MALRD1: variants seen among roughly 807,000 people sequenced by gnomAD.
The protein encoded by MALRD1 is MAM and LDL receptor class A domain containing 1, also known as MAM and LDL-receptor class A domain-containing protein 1.
In MALRD1, 247 loss-of-function variants were observed where a neutral mutation model predicts 242.1. The observed-to-expected ratio is 1.02, with a 90% CI of 0.92 to 1.13. The LOEUF (loss-of-function observed/expected upper bound fraction) is 1.13. Among genes scored for constraint, MALRD1 ranks in the 50% most tolerant of loss-of-function variants. The pLI is 0.00. For missense variants in MALRD1, 2,989 were observed against 2,533.1 expected, an observed-to-expected ratio of 1.18 and a Z score of -3.86; for synonymous variants, 995 against 866.6, an observed-to-expected ratio of 1.15 and a Z score of -2.60.
intron 29 of MALRD1, among the ~76,000 whole-genome samples, chr10:19,490,311 A>C (rs940555039): frequency 6.6e-6 from 1 of 152,142 alleles, no homozygotes; most frequent in Non-Finnish European, 1.5e-5. Context: ...TGTTGGCAAC[A>C]CAATGTCTGT....
chr10:19,696,800 C>A (rs865985686), intron 38 of MALRD1, among the ~76,000 whole-genome samples: 40 of 151,936 alleles, frequency 2.6e-4, no homozygotes, highest in Middle Eastern at 6.8e-3. Flanking sequence ...CCTGTAATCC[C>A]AGCTGCTTGG....
At chr10:19,053,080 T>C (rs1314876308) in intron 1 of MALRD1, among the ~76,000 whole-genome samples, 1 of 152,150 alleles carries the variant, frequency 6.6e-6, no homozygotes, top group Non-Finnish European at 1.5e-5. Flanking sequence ...TCCTCAGCCC[T>C]GCCACCCTCT....
In MALRD1 at chr10:19,119,420, C is replaced by A. The variant is rs115986351; in HGVS notation, c.695-4072C>A. ...TATATTATCATGCAAATCAGTCTCG[C>A]TGAGCATTCAGGGATCAGAGTTTTT... On this transcript the variant is annotated intron_variant, in intron 5 of 39. Transcript: ENST00000454679. Among the ~76,000 whole-genome samples the A allele has an allele frequency of 4.8e-3, 728 of 152,234 alleles. 10 individuals are homozygous for A. Among genetic ancestry groups the A allele is most frequent in the African/African-American group, 0.016 (670 of 41,542 alleles).
At chr10:19,496,820 AAGAGG>A (rs1837741073) in intron 30 of MALRD1, among the ~76,000 whole-genome samples, 1 of 152,134 alleles carries the variant, frequency 6.6e-6, no homozygotes, top group South Asian at 2.1e-4. Context: ...AAGGAATTAG[AAGAGG>A]ATGTGAAATT....
At chr10:19,225,345 C>A (rs922920550) in intron 18 of MALRD1, among the ~76,000 whole-genome samples, 3 of 152,102 alleles carry the variant, frequency 2.0e-5, no homozygotes, top group African/African-American at 4.8e-5. Context: ...GAATTGTGGT[C>A]TATTGGAGAA....
intron 21 of MALRD1, among the ~76,000 whole-genome samples, chr10:19,317,055 C>T (rs1274850973): frequency 6.6e-6 from 1 of 151,036 alleles, no homozygotes; most frequent in Non-Finnish European, 1.5e-5. Flanking sequence ...TAGATACACA[C>T]AAAAATCAAA....
chr10:19,159,940 A>G (rs1219758438), intron 12 of MALRD1, among the ~76,000 whole-genome samples: 1 of 152,152 alleles, frequency 6.6e-6, no homozygotes, highest in Non-Finnish European at 1.5e-5. Context: ...GAATACAATT[A>G]AAAATGAAAT....
At chr10:19,454,836 C>G (rs1476311985) in intron 29 of MALRD1, among the ~76,000 whole-genome samples, 2 of 148,270 alleles carry the variant, frequency 1.3e-5, no homozygotes, top group Admixed American at 1.3e-4. Flanking sequence ...TTTCATATTT[C>G]TTTCTTACTT....
intron 24 of MALRD1, among the ~76,000 whole-genome samples, chr10:19,335,320 A>G (rs1843559174): frequency 6.6e-6 from 1 of 152,062 alleles, no homozygotes; most frequent in Admixed American, 6.6e-5. Context: ...AAACAAACAA[A>G]TCAGAATAAA....
chr10:19,278,182 A>C lies in MALRD1; in HGVS notation c.3080-1865A>C, dbSNP rs1358474633. ...CAAGATATTATCATGTTAAATTCTC[A>C]CAGTATTTAAAATAAAAAAAACAGT... is the stretch of plus-strand genomic sequence containing the variant. On this transcript the variant is annotated intron_variant, in intron 19 of 39. Coordinates refer to ENST00000454679, the MANE Select transcript of MALRD1 (RefSeq NM_001142308.3). Among the ~76,000 whole-genome samples the C allele has an allele frequency of 3.9e-5, 6 of 151,928 alleles. No homozygotes were observed. In the East Asian group the frequency reaches 1.2e-3, roughly 29 times the overall value.
chr10:19,193,293 C>A (rs1036394729), intron 14 of MALRD1, among the ~76,000 whole-genome samples: 1 of 152,148 alleles, frequency 6.6e-6, no homozygotes, highest in South Asian at 2.1e-4. Context: ...CAGTGGCTCA[C>A]ACCTGTAATC....
intron 33 of MALRD1, among the ~76,000 whole-genome samples, chr10:19,587,802 C>G (rs1798342939): frequency 6.6e-6 from 1 of 151,900 alleles, no homozygotes; most frequent in South Asian, 2.1e-4. Context: ...GGAATTGGAA[C>G]TGTCTGCATA....
chr10:19,358,505 T>A (rs1844744647), intron 26 of MALRD1, among the ~76,000 whole-genome samples: 1 of 152,098 alleles, frequency 6.6e-6, no homozygotes, highest in Non-Finnish European at 1.5e-5. Context: ...GAAACCTACA[T>A]ATGCTGTTTA....
intron 26 of MALRD1, among the ~76,000 whole-genome samples, chr10:19,380,027 T>G (rs1845771481): frequency 6.7e-6 from 1 of 149,524 alleles, no homozygotes; most frequent in Admixed American, 6.8e-5. Context: ...CAGGCTGGAG[T>G]GCAGTGGCAG....
In MALRD1 at chr10:19,209,781, G is replaced by T. The variant is rs1836962557; in HGVS notation, c.2991+101G>T. The T allele has an allele frequency of 9.8e-6, 12 of 1,219,914 alleles. No homozygotes were observed. In the South Asian group the frequency reaches 2.0e-4, roughly 20 times the overall value. The allele number at this position is 1,219,914 out of a possible 1,614,324, so 75.6% of individuals were successfully genotyped here. On this transcript the variant is annotated intron_variant, in intron 18 of 39. Transcript: ENST00000454679. Reference sequence around the variant, plus strand: ...CTCTAATTAAAAGCAAGTGGAATTTGATCAAAGTTACATTGAGACACATTT... The same window carrying T: ...CTCTAATTAAAAGCAAGTGGAATTTTATCAAAGTTACATTGAGACACATTT...
intron 18 of MALRD1, among the ~76,000 whole-genome samples, chr10:19,212,958 C>T (rs1429785661): frequency 6.6e-6 from 1 of 152,000 alleles, no homozygotes; most frequent in Non-Finnish European, 1.5e-5. Context: ...AAATTTTGAG[C>T]TTTTAAAATA....
intron 5 of MALRD1, among the ~76,000 whole-genome samples, chr10:19,113,819 A>ACACACT (rs1554791222): frequency 2.0e-4 from 30 of 147,226 alleles, no homozygotes; most frequent in African/African-American, 3.0e-4. Context: ...ACACACACAC[A>ACACACT]CACACACACA....
rs186341838 is a variant in MALRD1, at chr10:19,631,448, T to C, written c.6137+15525T>C. Among the ~76,000 whole-genome samples, 17 of 152,340 alleles carry C rather than the reference T, an allele frequency of 1.1e-4. No individual in the cohort carries two copies. In the East Asian group the frequency reaches 2.7e-3, roughly 24 times the overall value. ...TTTGATATTGTGAATAGTGCTATAA[T>C]GAACATACGCATGCATGTGTCTTTA... On this transcript the variant is annotated intron_variant, in intron 36 of 39. Transcript: ENST00000454679.
At chr10:19,310,129 C>T (rs1289796025) in intron 21 of MALRD1, among the ~76,000 whole-genome samples, 1 of 151,466 alleles carries the variant, frequency 6.6e-6, no homozygotes, top group Non-Finnish European at 1.5e-5. Flanking sequence ...CTAATGGAAC[C>T]TTTACTGAGT....
Sources: gnomAD v4.1 joint callset for allele counts (sites outside exome capture counted in the v4.1 genomes callset) on GRCh38, gnomAD v4.1.1 for gene constraint, MANE v1.5 for transcripts, NCBI Gene and HGNC (gene_info 2026-07-23, HGNC 2026-07-21) for gene names.